YWHAE: variants seen among roughly 807,000 people sequenced by gnomAD.
The protein encoded by YWHAE is 14-3-3 protein epsilon.
Under a neutral mutation model 30.1 loss-of-function variants are expected in YWHAE, and 4 were observed. The ratio of observed to expected loss-of-function variants is 0.13; its 90% CI spans 0.07 to 0.30. YWHAE has a LOEUF of 0.30. Ranked by LOEUF, YWHAE falls within the 10% of genes least tolerant of loss-of-function variation. The pLI is 1.00. For synonymous variants in YWHAE, 118 were observed against 111.8 expected, an observed-to-expected ratio of 1.06 and a Z score of -0.35; for missense variants, 121 against 315.9, an observed-to-expected ratio of 0.38 and a Z score of 4.68.
At chr17:1,382,002 A>T in intron 1 of YWHAE, among the ~76,000 whole-genome samples, 1 of 131,912 alleles carries the variant, frequency 7.6e-6, no homozygotes, top group Non-Finnish European at 1.5e-5. Context: ...AAGTTATTAA[A>T]GGAGACTCAA....
At chr17:1,363,613 C>A (rs1036093225) in intron 2 of YWHAE, among the ~76,000 whole-genome samples, 1 of 152,212 alleles carries the variant, frequency 6.6e-6, no homozygotes, top group Non-Finnish European at 1.5e-5. Flanking sequence ...ACACCCAAAA[C>A]CCTGGTTTGT....
At chr17:1,383,582 T>G (rs1269707142) in intron 1 of YWHAE, among the ~76,000 whole-genome samples, 7 of 151,354 alleles carry the variant, frequency 4.6e-5, no homozygotes, top group African/African-American at 1.7e-4. Flanking sequence ...AGAGATGGGT[T>G]TCGCCATGTT....
At chr17:1,352,820 C>G (rs956143778) in intron 5 of YWHAE, among the ~76,000 whole-genome samples, 2 of 152,136 alleles carry the variant, frequency 1.3e-5, no homozygotes, top group African/African-American at 4.8e-5. Context: ...CCACCGCGCC[C>G]GGCACAGCCT....
At chr17:1,398,425 G>A (rs902658733) in intron 1 of YWHAE, among the ~76,000 whole-genome samples, 10 of 149,020 alleles carry the variant, frequency 6.7e-5, no homozygotes, top group African/African-American at 2.5e-4. Context: ...CTAAATATGA[G>A]TTCTAGAGGC....
chr17:1,392,592 A>G (rs4024021), intron 1 of YWHAE, among the ~76,000 whole-genome samples: 95,020 of 151,846 alleles, frequency 0.63, 32,063 homozygotes, highest in African/African-American at 0.88. Flanking sequence ...GCTCACACCT[A>G]TAATCCCAGC....
intron 1 of YWHAE, among the ~76,000 whole-genome samples, chr17:1,394,831 ATGGCGGGCGCCTG>A (rs1274476284): frequency 1.3e-5 from 2 of 149,884 alleles, no homozygotes; most frequent in African/African-American, 4.9e-5. Context: ...GCCAGGTGCG[ATGGCGGGCGCCTG>A]TAGTCCCAGC....
intron 1 of YWHAE, among the ~76,000 whole-genome samples, chr17:1,394,067 T>C (rs2150879179): frequency 6.6e-6 from 1 of 152,274 alleles, no homozygotes; most frequent in East Asian, 1.9e-4. Context: ...AGGCACCACC[T>C]TACTTCACAG....
intron 4 of YWHAE, among the ~76,000 whole-genome samples, chr17:1,355,479 G>C (rs557317575): frequency 6.6e-6 from 1 of 151,842 alleles, no homozygotes; most frequent in Non-Finnish European, 1.5e-5. Context: ...AGAAAATCTT[G>C]GACAATACCT....
intron 1 of YWHAE, among the ~76,000 whole-genome samples, chr17:1,381,910 C>CAAAAAA (rs397754278): frequency 3.9e-4 from 17 of 43,798 alleles, no homozygotes; most frequent in Admixed American, 1.1e-3. Flanking sequence ...GACACTATGT[C>CAAAAAA]AAAAAAAAAA....
chr17:1,380,916 T>A (rs1312440291), intron 1 of YWHAE, among the ~76,000 whole-genome samples: 1 of 152,188 alleles, frequency 6.6e-6, no homozygotes, highest in African/African-American at 2.4e-5. Flanking sequence ...AATCCCTTGT[T>A]CCCCTTCTCT....
chr17:1,345,144 T>C lies in YWHAE; in HGVS notation c.*303A>G. 2.4e-6 allele frequency: 1 copy of C among 421,364 alleles called. No homozygotes were observed. Among genetic ancestry groups the C allele is most frequent in the Admixed American group, 4.1e-5 (1 of 24,644 alleles). 26.1% of individuals were successfully genotyped at this position (421,364 alleles called of 1,614,324 possible). Reference sequence around the variant, plus strand: ...TGTAATTTCCATTTGCTAATGGTGATCTTGCCACATCTGGCACGGAGACGA... The same window carrying C: ...TGTAATTTCCATTTGCTAATGGTGACCTTGCCACATCTGGCACGGAGACGA... On this transcript the variant is annotated 3_prime_UTR_variant, in exon 6 of 6. Coordinates refer to ENST00000264335, the MANE Select transcript of YWHAE (RefSeq NM_006761.5).
At chr17:1,363,950 C>T (rs2072903399) in intron 2 of YWHAE, among the ~76,000 whole-genome samples, 1 of 152,084 alleles carries the variant, frequency 6.6e-6, no homozygotes, top group African/African-American at 2.4e-5. Context: ...CACCCCAGTC[C>T]CCACCCCACT....
rs1053690411 is a variant in YWHAE at position 1,358,643 on chromosome 17, T to C, written c.578+2449A>G. Reference sequence around the variant, plus strand: ...GAGTTTGAGACCAGCCTAACCAAGATAGTGAAACCTCGTCTCTACTAAAAA... The same window carrying C: ...GAGTTTGAGACCAGCCTAACCAAGACAGTGAAACCTCGTCTCTACTAAAAA... On this transcript the variant is annotated intron_variant, in intron 4 of 5. Transcript: ENST00000264335. 9.9e-5 allele frequency among the ~76,000 whole-genome samples: 15 copies of C among 151,672 alleles called. No individual in the cohort carries two copies. The South Asian group carries it at 2.9e-3, about 29-fold the overall frequency.
intron 1 of YWHAE, among the ~76,000 whole-genome samples, chr17:1,383,332 A>G (rs937885003): frequency 1.3e-5 from 2 of 151,996 alleles, no homozygotes; most frequent in Non-Finnish European, 2.9e-5. Flanking sequence ...CCTGGGCAAC[A>G]AGAGCGAAAC....
Position 1,344,706 on chromosome 17 carries a change from G to A in YWHAE, c.*741C>T. 1 of 233,050 alleles carries A rather than the reference G, an allele frequency of 4.3e-6. No homozygotes were observed. The highest frequency in any genetic ancestry group is 2.2e-5 in the African/African-American group (1 of 45,370). 14.4% of individuals were successfully genotyped at this position (233,050 alleles called of 1,614,324 possible). A position where few individuals can be genotyped will look rare whatever the true frequency, so the allele number is the denominator to read the frequency against. ...GAACAAAAGAGGTTGAGCGAGCGAA[G>A]GAGGGGAGGAGTGAGGGGAAGGAGG... On this transcript the variant is annotated 3_prime_UTR_variant, in exon 6 of 6. Transcript: ENST00000264335.
rs951446162 is a variant in YWHAE, at chr17:1,344,686, A to G, written c.*761T>C. 1.3e-5 allele frequency: 3 copies of G among 231,850 alleles called. No individual in the cohort carries two copies. Among genetic ancestry groups the G allele is most frequent in the African/African-American group, 2.2e-5 (1 of 45,192 alleles). The allele number at this position is 231,850 out of a possible 1,614,324, so 14.4% of individuals were successfully genotyped here. ...AGCTTCAAGTTACACATACTGAACAAAAGAGGTTGAGCGAGCGAAGGAGGG... is the reference window on the plus strand; with the variant it reads ...AGCTTCAAGTTACACATACTGAACAGAAGAGGTTGAGCGAGCGAAGGAGGG... On this transcript the variant is annotated 3_prime_UTR_variant, in exon 6 of 6. Transcript: ENST00000264335.
At chr17:1,358,308 T>C (rs57377865) in intron 4 of YWHAE, among the ~76,000 whole-genome samples, 49 of 152,200 alleles carry the variant, frequency 3.2e-4, no homozygotes, top group East Asian at 7.8e-4. Flanking sequence ...GGCGTGATCT[T>C]GGCTCACTGC....
intron 1 of YWHAE, among the ~76,000 whole-genome samples, chr17:1,372,661 C>A (rs1199009704): frequency 6.6e-6 from 1 of 152,048 alleles, no homozygotes; most frequent in Non-Finnish European, 1.5e-5. Flanking sequence ...GGGAGAGAGA[C>A]AGGGAGTCAG....
chr17:1,349,028 G>A (rs1286413017), intron 5 of YWHAE, among the ~76,000 whole-genome samples: 12 of 144,496 alleles, frequency 8.3e-5, no homozygotes, highest in Non-Finnish European at 1.5e-4. Flanking sequence ...TCTGTCTCAC[G>A]AAAAAAGGAA....
Sources: gnomAD v4.1 joint callset for allele counts (sites outside exome capture counted in the v4.1 genomes callset) on GRCh38, gnomAD v4.1.1 for gene constraint, MANE v1.5 for transcripts, NCBI Gene and HGNC (gene_info 2026-07-23, HGNC 2026-07-21) for gene names.